CACHD1: variants seen among roughly 807,000 people sequenced by gnomAD.
CACHD1 encodes VWFA and cache domain-containing protein 1.
A neutral mutation model predicts 138.7 loss-of-function variants in CACHD1; 71 were observed. The ratio of observed to expected loss-of-function variants is 0.51; its 90% CI spans 0.42 to 0.62. The LOEUF (loss-of-function observed/expected upper bound fraction) is 0.62, where lower values mean the gene tolerates loss of function less well. Ranked by LOEUF, CACHD1 falls within the 20% of genes least tolerant of loss-of-function variation. The probability of loss-of-function intolerance (pLI) is 0.00; values close to 1 mark genes in which losing one functional copy is unlikely to be tolerated. For missense variants in CACHD1, 1,389 were observed against 1,625.3 expected, an observed-to-expected ratio of 0.85 and a Z score of 2.50; for synonymous variants, 578 against 591.5, an observed-to-expected ratio of 0.98 and a Z score of 0.33.
intron 1 of CACHD1, among the ~76,000 whole-genome samples, chr1:64,541,881 C>T (rs1646679991): frequency 6.7e-6 from 1 of 148,328 alleles, no homozygotes; most frequent in Non-Finnish European, 1.5e-5. Flanking sequence ...TATTTTTGTT[C>T]CCCCCATACC....
chr1:64,570,474 C>T (rs531659949), intron 2 of CACHD1, among the ~76,000 whole-genome samples: 5 of 152,236 alleles, frequency 3.3e-5, no homozygotes, highest in Admixed American at 2.0e-4. Context: ...CTGTCACATC[C>T]GCTGACATGC....
chr1:64,611,972 T>A (rs950956362), intron 4 of CACHD1, among the ~76,000 whole-genome samples: 7 of 152,160 alleles, frequency 4.6e-5, no homozygotes, highest in African/African-American at 1.7e-4. Context: ...CTTGTAATCA[T>A]GTTGGAAGGC....
In CACHD1 at chr1:64,500,717, T is replaced by TAA. The variant is rs72436564; in HGVS notation, c.198+29792_198+29793dup. The stretch of plus-strand genomic sequence containing the variant: ...GGCAACGTAGCAAGACCTTGTCTCT[T>TAA]AAAAAAAAAAAAAAAAAAGAGAGAG... On this transcript the variant is annotated intron_variant, in intron 1 of 26. Coordinates refer to ENST00000651257, the MANE Select transcript of CACHD1 (RefSeq NM_020925.4). Among the ~76,000 whole-genome samples the TAA allele has an allele frequency of 2.1e-4, 7 of 33,964 alleles. No homozygotes were observed. The East Asian group carries it at 6.9e-3, about 33-fold the overall frequency. 22.3% of individuals were successfully genotyped at this position (33,964 alleles called of 152,430 possible).
At position 64,647,063 on chromosome 1, in the gene CACHD1, T is replaced by TAA. The variant is rs536997765; in HGVS notation, c.1157-723_1157-722dup. On this transcript the variant is annotated intron_variant, in intron 8 of 26. Transcript: ENST00000651257. ...TGACTATGTTCCAACAATAGCAAAC[T>TAA]AAAAAAAAAAAAAAAAGTGTATTAA... is the stretch of plus-strand genomic sequence containing the variant. 6.2e-3 allele frequency among the ~76,000 whole-genome samples: 765 copies of TAA among 124,360 alleles called. 4 individuals carry two copies. Among genetic ancestry groups the TAA allele is most frequent in the African/African-American group, 0.021 (733 of 35,048 alleles). The allele number at this position is 124,360 out of a possible 152,430, so 81.6% of individuals were successfully genotyped here.
At chr1:64,548,181 G>T (rs1403225108) in intron 1 of CACHD1, among the ~76,000 whole-genome samples, 1 of 152,190 alleles carries the variant, frequency 6.6e-6, no homozygotes, top group African/African-American at 2.4e-5. Context: ...AAAGGAGAAG[G>T]AAGTATCTGA....
intron 1 of CACHD1, among the ~76,000 whole-genome samples, chr1:64,494,061 G>A (rs374094829): frequency 3.3e-5 from 5 of 152,186 alleles, no homozygotes; most frequent in East Asian, 3.8e-4. Context: ...GGCGGCCAGC[G>A]TTGGAATGTG....
intron 2 of CACHD1, among the ~76,000 whole-genome samples, chr1:64,566,477 A>G (rs1387284301): frequency 3.1e-4 from 3 of 9,680 alleles, no homozygotes; most frequent in African/African-American, 6.0e-4. Context: ...TATGTTTTCA[A>G]TTCCCCCCCC....
chr1:64,471,189 C>T (rs1646141891), intron 1 of CACHD1, among the ~76,000 whole-genome samples: 1 of 152,194 alleles, frequency 6.6e-6, no homozygotes, highest in Admixed American at 6.5e-5. Flanking sequence ...ACCCACTTGA[C>T]CCTGCACAGC....
intron 4 of CACHD1, among the ~76,000 whole-genome samples, chr1:64,609,040 G>A (rs532077276): frequency 1.3e-5 from 2 of 152,114 alleles, no homozygotes; most frequent in Non-Finnish European, 2.9e-5. Flanking sequence ...GGGTGTAAGG[G>A]GCATTTATAA....
intron 2 of CACHD1, among the ~76,000 whole-genome samples, chr1:64,566,488 C>A (rs866588125): frequency 4.1e-5 from 6 of 144,580 alleles, no homozygotes; most frequent in South Asian, 2.4e-4. Context: ...TTCCCCCCCC[C>A]CCACAAGGTA....
At chr1:64,484,209 G>A (rs1471917235) in intron 1 of CACHD1, among the ~76,000 whole-genome samples, 1 of 152,012 alleles carries the variant, frequency 6.6e-6, no homozygotes, top group African/African-American at 2.4e-5. Context: ...ATGGAAAGGA[G>A]GAGCCAATCA....
At chr1:64,517,603 G>A (rs2100365141) in intron 1 of CACHD1, among the ~76,000 whole-genome samples, 1 of 152,236 alleles carries the variant, frequency 6.6e-6, no homozygotes, top group Non-Finnish European at 1.5e-5. Flanking sequence ...TGAAGAGCAA[G>A]GAGGCTGATG....
At chr1:64,556,211 G>C (rs1646795681) in intron 2 of CACHD1, among the ~76,000 whole-genome samples, 1 of 152,146 alleles carries the variant, frequency 6.6e-6, no homozygotes, top group South Asian at 2.1e-4. Context: ...CTTTCACTTT[G>C]TTTGAGGACT....
At chr1:64,497,050 C>A (rs1270885193) in intron 1 of CACHD1, among the ~76,000 whole-genome samples, 1 of 151,414 alleles carries the variant, frequency 6.6e-6, no homozygotes, top group African/African-American at 2.4e-5. Flanking sequence ...AAAAAAAAAT[C>A]ATGTTTACTT....
At chr1:64,595,651 G>A (rs1015643017) in intron 3 of CACHD1, among the ~76,000 whole-genome samples, 4 of 152,088 alleles carry the variant, frequency 2.6e-5, no homozygotes, top group South Asian at 2.1e-4. Flanking sequence ...GTGGTTGTGC[G>A]CCCACTTCCA....
chr1:64,606,582 A>G (rs1037456495), intron 4 of CACHD1, among the ~76,000 whole-genome samples: 8 of 152,334 alleles, frequency 5.3e-5, no homozygotes, highest in Middle Eastern at 3.4e-3. Context: ...TGGGGTAGTT[A>G]CATAGAGAAG....
chr1:64,599,101 G>A (rs1315089354), intron 3 of CACHD1, among the ~76,000 whole-genome samples: 1 of 151,974 alleles, frequency 6.6e-6, no homozygotes, highest in Non-Finnish European at 1.5e-5. Context: ...ACCAGAAAGT[G>A]GCCCCTCACC....
In CACHD1 at chr1:64,673,210, G is replaced by GTGGTGC; in HGVS notation, c.2563_2564insTGGTGC (p.Asp855delinsValValHis). 6.2e-7 allele frequency: 1 copy of GTGGTGC among 1,613,680 alleles called. No homozygotes were observed. Among genetic ancestry groups the GTGGTGC allele is most frequent in the Non-Finnish European group, 8.5e-7 (1 of 1,179,972 alleles). On this transcript the variant is annotated protein_altering_variant, in exon 18 of 27. Coordinates refer to ENST00000651257, the MANE Select transcript of CACHD1 (RefSeq NM_020925.4). ...TCTGGTGGCGCACCCGACTCTCATC[G>GTGGTGC]ACCCCAAAGGACATGCACCTGTGGA...
At chr1:64,547,129 G>T (rs1266510305) in intron 1 of CACHD1, among the ~76,000 whole-genome samples, 8 of 152,168 alleles carry the variant, frequency 5.3e-5, no homozygotes, top group Admixed American at 4.6e-4. Context: ...TTTTTAGTCT[G>T]TAAAATGTGG....
Sources: gnomAD v4.1 joint callset for allele counts (sites outside exome capture counted in the v4.1 genomes callset) on GRCh38, gnomAD v4.1.1 for gene constraint, MANE v1.5 for transcripts, NCBI Gene and HGNC (gene_info 2026-07-23, HGNC 2026-07-21) for gene names.